Variants in UBE2J2 observed in about 807,000 individuals in gnomAD.
The protein encoded by UBE2J2 is ubiquitin-conjugating enzyme E2 J2.
A neutral mutation model predicts 28.6 loss-of-function variants in UBE2J2; 5 were observed. The observed-to-expected ratio is 0.17, with a 90% CI of 0.09 to 0.37. UBE2J2 has a LOEUF of 0.37. Among genes scored for constraint, UBE2J2 ranks in the 10% least tolerant of loss-of-function variants. UBE2J2 has a pLI of 1.00. For synonymous variants in UBE2J2, 138 were observed against 139.7 expected, an observed-to-expected ratio of 0.99 and a Z score of 0.09; for missense variants, 226 against 338.9, an observed-to-expected ratio of 0.67 and a Z score of 2.62.
chr1:1,268,754 T>C lies in UBE2J2; in HGVS notation c.1-762A>G, dbSNP rs1472612763. Among the ~76,000 whole-genome samples the C allele has an allele frequency of 2.0e-5, 3 of 152,208 alleles. No individual in the cohort carries two copies. Among genetic ancestry groups the C allele is most frequent in the African/African-American group, 7.2e-5 (3 of 41,462 alleles). ...GCTCTGTCGCCCAGGCTGGAGTCAC[T>C]GTGGCCTTGACCACCTCGGCTCAAG... On this transcript the variant is annotated intron_variant, in intron 1 of 6. Transcript: ENST00000349431. This position sits in a 1 kb window ranked among gnomAD's most constrained non-coding sequence, Gnocchi z 4.7.
rs1223826059 is a variant in UBE2J2, at chr1:1,257,261, T to A, written c.222A>T (p.Lys74Asn). 1 of 1,612,268 alleles carries A rather than the reference T, an allele frequency of 6.2e-7. No homozygotes were observed. Among genetic ancestry groups the A allele is most frequent in the Non-Finnish European group, 8.5e-7 (1 of 1,179,448 alleles). ...GAGTGATCATATAGATACTGGGAGG[T>A]TTGAAAGGAAATTCTCTGGGAAAAA... is the stretch of plus-strand genomic sequence containing the variant. Reference protein sequence around the residue: ...KLIFPREFPFKPPSIYMITPN... With the variant: ...KLIFPREFPFNPPSIYMITPN... Residue 74 changes from lysine to asparagine, a missense_variant, in exon 4 of 7, where the codon AAA becomes AAT. Transcript: ENST00000349431.
rs1246892619 is a variant in UBE2J2, at chr1:1,268,194, G to A, written c.1-202C>T. ...CGGCTTCTCTCTTCCCGTCTGTCCC[G>A]CCACCACCTTCATTGACACGACGTA... On this transcript the variant is annotated intron_variant, in intron 1 of 6. Coordinates refer to ENST00000349431, the MANE Select transcript of UBE2J2 (RefSeq NM_058167.3). This position sits in a 1 kb window ranked among gnomAD's most constrained non-coding sequence, Gnocchi z 4.7. Among the ~76,000 whole-genome samples, 2 of 152,024 alleles carry A rather than the reference G, an allele frequency of 1.3e-5. No individual in the cohort carries two copies. Among genetic ancestry groups the A allele is most frequent in the Non-Finnish European group, 2.9e-5 (2 of 68,016 alleles).
At chr1:1,266,128 T>C in intron 2 of UBE2J2, 1 of 1,303,904 alleles carries the variant, frequency 7.7e-7, no homozygotes, top group East Asian at 5.6e-5. Flanking sequence ...CCACATGTGA[T>C]TTTCAACACT....
In UBE2J2 at chr1:1,254,826, G is replaced by A. The variant is rs75469826; in HGVS notation, c.*377C>T. 0.035 allele frequency: 5,919 copies of A among 167,508 alleles called. 190 individuals carry two copies. Among genetic ancestry groups the A allele is most frequent in the African/African-American group, 0.096 (4,040 of 42,132 alleles). The allele number at this position is 167,508 out of a possible 1,614,324, so 10.4% of individuals were successfully genotyped here. ...TGAGGAGCCGGGAGCTCCGAGAAACGCGCCAGGAGCTCCAAGAACGCAGGA... is the reference window on the plus strand; with the variant it reads ...TGAGGAGCCGGGAGCTCCGAGAAACACGCCAGGAGCTCCAAGAACGCAGGA... On this transcript the variant is annotated 3_prime_UTR_variant, in exon 7 of 7. Transcript: ENST00000349431.
At position 1,257,192 on chromosome 1, in the gene UBE2J2, C is replaced by T. The variant is rs1639236394; in HGVS notation, c.275+16G>A. 1.9e-6 allele frequency: 3 copies of T among 1,602,714 alleles called. No homozygotes were observed. Among genetic ancestry groups the T allele is most frequent in the Middle Eastern group, 1.7e-4 (1 of 6,036 alleles). ...CCGCAGCCAGAAAGCCTCCGCGGCCCCTCCAGGCACCTTACCTGGTGTTGC... is the reference window on the plus strand; with the variant it reads ...CCGCAGCCAGAAAGCCTCCGCGGCCTCTCCAGGCACCTTACCTGGTGTTGC... On this transcript the variant is annotated intron_variant, in intron 4 of 6. Transcript: ENST00000349431.
At chr1:1,265,648 T>TGG (rs1277235112) in intron 2 of UBE2J2, among the ~76,000 whole-genome samples, 2 of 147,214 alleles carry the variant, frequency 1.4e-5, no homozygotes, top group South Asian at 2.2e-4. Context: ...TGTGTGTGTG[T>TGG]GGTGGAGTCT....
chr1:1,259,455 C>A (rs903950910), intron 3 of UBE2J2, among the ~76,000 whole-genome samples: 1 of 152,216 alleles, frequency 6.6e-6, no homozygotes, highest in Non-Finnish European at 1.5e-5. Context: ...TGCCCCAATG[C>A]GAGTCCCCAA....
Position 1,257,001 on chromosome 1 carries a change from C to A in UBE2J2, c.405G>T (p.Ser135=). 1 of 1,564,696 alleles carries A rather than the reference C, an allele frequency of 6.4e-7. No homozygotes were observed. Among genetic ancestry groups the A allele is most frequent in the Non-Finnish European group, 8.7e-7 (1 of 1,153,738 alleles). The change falls in exon 5 of 7, where the codon TCG becomes TCT. Residue 135 remains serine, a synonymous_variant. Coordinates refer to ENST00000349431, the MANE Select transcript of UBE2J2 (RefSeq NM_058167.3). ...KGPTLGSIET[S]DFTKRQLAVQ... is the part of the protein sequence containing the mutation. ...AGGCTCTAAAACTTACCGTGAAGTCCGACGTCTCTATACTGCCCAGGGTGG... is the reference window on the plus strand; with the variant it reads ...AGGCTCTAAAACTTACCGTGAAGTCAGACGTCTCTATACTGCCCAGGGTGG...
intron 3 of UBE2J2, 107 bp from the exon 4 acceptor site, chr1:1,257,417 G>GCTCCCGAGTCCTCATTGCACTCTC (rs1639267998): frequency 1.9e-6 from 1 of 540,508 alleles, no homozygotes; most frequent in South Asian, 2.0e-5. Context: ...CCTCAGCTCG[G>GCTCCCGAGTCCTCATTGCACTCTC]CTCCCGAGTC....
At chr1:1,257,392 CA>C (rs1381765391) in intron 3 of UBE2J2, 82 bp from the exon 4 acceptor site, 6,027 of 411,424 alleles carry the variant, frequency 0.015, 15 homozygotes, top group South Asian at 0.063. Flanking sequence ...CCCCCCACGC[CA>C]CCCCCCCCCC....
chr1:1,257,634 A>C (rs1639282820), intron 3 of UBE2J2, among the ~76,000 whole-genome samples: 1 of 149,294 alleles, frequency 6.7e-6, no homozygotes, highest in African/African-American at 2.5e-5. Flanking sequence ...TGGAGTGTCC[A>C]CACACACCCC....
chr1:1,264,486 T>G (rs1294942597), intron 2 of UBE2J2, among the ~76,000 whole-genome samples: 1 of 152,034 alleles, frequency 6.6e-6, no homozygotes, highest in Non-Finnish European at 1.5e-5. Context: ...TTAAAACTAA[T>G]GGGGGCTGGG....
intron 3 of UBE2J2, among the ~76,000 whole-genome samples, chr1:1,261,651 GT>G (rs59207041): frequency 2.2e-3 from 297 of 138,080 alleles, no homozygotes; most frequent in African/African-American, 3.7e-3. Flanking sequence ...ACCCATTTTG[GT>G]TTTTTTTTTT....
At position 1,271,974 on chromosome 1, in the gene UBE2J2, CAAAAA is replaced by C. The variant is rs60924258; in HGVS notation, c.-1+1687_-1+1691del. Among the ~76,000 whole-genome samples, 37 of 27,612 alleles carry C rather than the reference CAAAAA, an allele frequency of 1.3e-3. No homozygotes were observed. In the East Asian group the frequency reaches 0.038, roughly 28 times the overall value. 18.1% of individuals were successfully genotyped at this position (27,612 alleles called of 152,430 possible). A position where few individuals can be genotyped will look rare whatever the true frequency, so the allele number is the denominator to read the frequency against. On this transcript the variant is annotated intron_variant, in intron 1 of 6. Coordinates refer to ENST00000349431, the MANE Select transcript of UBE2J2 (RefSeq NM_058167.3). ...GGGCAACAAGAGCGAAACTCCGTCTCAAAAAAAAAAAAAAAAAAAAAAAAAAAAAA... is the reference window on the plus strand; with the variant it reads ...GGGCAACAAGAGCGAAACTCCGTCTCAAAAAAAAAAAAAAAAAAAAAAAAA...
intron 6 of UBE2J2, 145 bp from the exon 7 acceptor site, chr1:1,255,632 G>T: frequency 3.9e-6 from 4 of 1,025,298 alleles, no homozygotes; most frequent in Non-Finnish European, 5.6e-6. Context: ...ACAGGTGAGG[G>T]CCCGAGCGTG....
At chr1:1,272,356 C>A (rs1033844547) in intron 1 of UBE2J2, among the ~76,000 whole-genome samples, 1 of 152,216 alleles carries the variant, frequency 6.6e-6, no homozygotes, top group Non-Finnish European at 1.5e-5. Flanking sequence ...CGTGAATCAC[C>A]GAGGGCAGCT....
chr1:1,259,796 G>A (rs996719425), intron 3 of UBE2J2, among the ~76,000 whole-genome samples: 9 of 152,188 alleles, frequency 5.9e-5, no homozygotes, highest in African/African-American at 9.6e-5. Flanking sequence ...GTGGCCCCAC[G>A]GGGCTCGTGC....
rs763848074 is a variant in UBE2J2, at chr1:1,267,979, C to T, written c.14G>A (p.Ser5Asn). The T allele has an allele frequency of 1.2e-6, 2 of 1,614,034 alleles. No homozygotes were observed. Among genetic ancestry groups the T allele is most frequent in the Admixed American group, 3.3e-5 (2 of 60,026 alleles). The change falls in exon 2 of 7, where the codon AGC becomes AAC. Residue 5 changes from serine (S) to asparagine (N), a missense_variant. Physicochemically the swap from Ser to Asn is conservative, Grantham distance 46. Transcript: ENST00000349431. ...TGCCGTGGTCGGAGCCCTCTTACTG[C>T]TGGTGCTGCTCATCTGTTAAAAGCA... MSST[S>N]SKRAPTTATQ...
intron 5 of UBE2J2, 80 bp downstream of exon 5, chr1:1,256,906 AAAAAAG>A: frequency 1.7e-6 from 2 of 1,188,186 alleles, no homozygotes; most frequent in Admixed American, 3.0e-5. Flanking sequence ...AAAAAAAAAA[AAAAAAG>A]GCAGCTGCAA....
Sources: gnomAD v4.1 joint callset for allele counts (sites outside exome capture counted in the v4.1 genomes callset) on GRCh38, gnomAD v4.1.1 for gene constraint, Gnocchi (gnomAD v3.1) non-coding constraint, MANE v1.5 for transcripts, NCBI Gene and HGNC (gene_info 2026-07-23, HGNC 2026-07-21) for gene names.